Variants in MINDY4 observed in about 807,000 individuals in gnomAD.
The protein encoded by MINDY4 is MINDY lysine 48 deubiquitinase 4.
A neutral mutation model predicts 87.0 loss-of-function variants in MINDY4; 68 were observed. The observed-to-expected ratio is 0.78, with a 90% CI of 0.64 to 0.96. The LOEUF is 0.96. Among genes scored for constraint, MINDY4 ranks in the 40% least tolerant of loss-of-function variants. The pLI is 0.00. For missense variants in MINDY4, 919 were observed against 928.2 expected (o/e 0.99, Z 0.13); for synonymous variants, 379 against 363.2 (o/e 1.04, Z -0.50).
In MINDY4 at chr7:30,882,961, T is replaced by C. The variant is rs779821699; in HGVS notation, c.2193T>C (p.Leu731=). The change falls in exon 17 of 18, where the codon CTT becomes CTC. Residue 731 remains leucine, a synonymous_variant. Transcript: ENST00000265299. ...TCTCTGAGGACACAGACAACGACCT[T>C]GTCCCACCCCTCGAGCTCTGCATCA... ...QTISEDTDND[L]VPPLELCIRT... The C allele has an allele frequency of 3.5e-5, 56 of 1,613,886 alleles. No homozygotes were observed. The Middle Eastern group carries it at 6.6e-4, about 19-fold the overall frequency.
At chr7:30,841,403 A>ATATC (rs1204855109) in intron 9 of MINDY4, among the ~76,000 whole-genome samples, 1 of 152,252 alleles carries the variant, frequency 6.6e-6, no homozygotes, top group Non-Finnish European at 1.5e-5. Flanking sequence ...GGAGAATTAG[A>ATATC]TGAGTTCTGT....
chr7:30,775,088 T>G (rs1786768277), intron 1 of MINDY4, among the ~76,000 whole-genome samples: 1 of 152,178 alleles, frequency 6.6e-6, no homozygotes, highest in Non-Finnish European at 1.5e-5. Context: ...ATGGGGATTT[T>G]TCCTCCATAC....
Position 30,875,590 on chromosome 7 carries a change from C to A in MINDY4, c.1905C>A (p.Leu635=), listed in dbSNP as rs748499358. The A allele has an allele frequency of 2.5e-6, 4 of 1,614,222 alleles. No individual in the cohort carries two copies. In the Admixed American group the frequency reaches 6.7e-5, roughly 27 times the overall value. ...LDSGDGNITL[L]RGIAARSDIG... is the part of the protein sequence containing the mutation. ...CTGGGGATGGGAACATCACACTTCT[C>A]AGAGGCATTGCTGCACGCAGTGATA... is the stretch of plus-strand genomic sequence containing the variant. Residue 635 remains leucine, a synonymous_variant, in exon 15 of 18, where the codon CTC becomes CTA. Transcript: ENST00000265299.
chr7:30,862,666 G>C (rs1187523940), intron 13 of MINDY4, among the ~76,000 whole-genome samples: 2 of 152,186 alleles, frequency 1.3e-5, no homozygotes, highest in African/African-American at 4.8e-5. Context: ...CCCACCTCAG[G>C]CTCCATTAGG....
At chr7:30,813,768 T>C (rs538474325) in intron 5 of MINDY4, among the ~76,000 whole-genome samples, 1 of 152,362 alleles carries the variant, frequency 6.6e-6, no homozygotes, top group African/African-American at 2.4e-5. Context: ...ATGAGTGGTG[T>C]AATGCTCAAA....
At chr7:30,841,466 C>T (rs979803795) in intron 9 of MINDY4, among the ~76,000 whole-genome samples, 3 of 152,162 alleles carry the variant, frequency 2.0e-5, no homozygotes, top group Non-Finnish European at 4.4e-5. Flanking sequence ...ACCCCAATCC[C>T]ATACCATCGT....
At chr7:30,880,302 A>AACCCCCCC (rs1790421346) in intron 15 of MINDY4, among the ~76,000 whole-genome samples, 1 of 72,024 alleles carries the variant, frequency 1.4e-5, no homozygotes, top group Non-Finnish European at 3.4e-5. Context: ...CCTCCCCCGC[A>AACCCCCCC]CCCCCCCCCA....
At chr7:30,780,294 G>A (rs1584228974) in intron 2 of MINDY4, 3 of 152,316 alleles carry the variant, frequency 2.0e-5, no homozygotes, top group South Asian at 2.1e-4. Context: ...TTTGCGCAGA[G>A]AGTGAGACAA....
chr7:30,852,304 C>T (rs761854816), intron 11 of MINDY4, 25 bp downstream of exon 11: 7 of 1,613,936 alleles, frequency 4.3e-6, no homozygotes, highest in East Asian at 2.2e-5. Context: ...AAAATTATCA[C>T]GCAAACTTTG....
intron 4 of MINDY4, among the ~76,000 whole-genome samples, chr7:30,788,751 C>T (rs1787231316): frequency 6.6e-6 from 1 of 152,154 alleles, no homozygotes; most frequent in Admixed American, 6.5e-5. Flanking sequence ...CAAGTTCACT[C>T]GCAGCCTAGA....
chr7:30,892,229 C>A lies in MINDY4; in HGVS notation c.*224C>A. ...TCCCCTCCCAGCTGAGCTGTGACTG[C>A]TGAGTACTGGAAGGAGGTTGCCAGG... On this transcript the variant is annotated 3_prime_UTR_variant, in exon 18 of 18. Coordinates refer to ENST00000265299, the MANE Select transcript of MINDY4 (RefSeq NM_032222.3). 1.8e-6 allele frequency: 1 copy of A among 561,172 alleles called. No individual in the cohort carries two copies. The highest frequency in any genetic ancestry group is 3.2e-5 in the Admixed American group (1 of 31,602). The allele number at this position is 561,172 out of a possible 1,614,324, so 34.8% of individuals were successfully genotyped here.
chr7:30,776,245 G>A (rs1285064690), intron 1 of MINDY4, among the ~76,000 whole-genome samples: 2 of 152,088 alleles, frequency 1.3e-5, no homozygotes, highest in African/African-American at 2.4e-5. Flanking sequence ...TGAGTCTCTG[G>A]GTGACTTCTG....
chr7:30,777,821 A>G (rs755574717), intron 1 of MINDY4, among the ~76,000 whole-genome samples: 1 of 152,232 alleles, frequency 6.6e-6, no homozygotes, highest in Non-Finnish European at 1.5e-5. Context: ...GGCACTTGCG[A>G]ACAGGACCCT....
chr7:30,829,714 TCTGTGCATGG>T, intron 6 of MINDY4, among the ~76,000 whole-genome samples: 1 of 152,208 alleles, frequency 6.6e-6, no homozygotes, highest in Non-Finnish European at 1.5e-5. Flanking sequence ...GGGGTAGATG[TCTGTGCATGG>T]CTGTGCAGAG....
intron 4 of MINDY4, chr7:30,786,611 T>G (rs1787163159): frequency 7.3e-6 from 1 of 137,166 alleles, no homozygotes; most frequent in Non-Finnish European, 1.5e-5. Flanking sequence ...TGGGCAAGAC[T>G]GAGACCCTGT....
chr7:30,887,011 A>T (rs1459325497), intron 17 of MINDY4, among the ~76,000 whole-genome samples: 1 of 152,224 alleles, frequency 6.6e-6, no homozygotes, highest in Non-Finnish European at 1.5e-5. Context: ...AGAACTCATA[A>T]CCGGAGCCTG....
intron 13 of MINDY4, among the ~76,000 whole-genome samples, chr7:30,869,995 A>C (rs1790053156): frequency 6.6e-6 from 1 of 152,110 alleles, no homozygotes; most frequent in Non-Finnish European, 1.5e-5. Flanking sequence ...AGGTTTGTAG[A>C]TTTGCCAAAG....
chr7:30,851,859 T>C (rs1050053567), intron 10 of MINDY4, among the ~76,000 whole-genome samples: 10 of 152,192 alleles, frequency 6.6e-5, no homozygotes, highest in Non-Finnish European at 1.5e-4. Flanking sequence ...CCTCCATCAG[T>C]GAAAACAAAG....
chr7:30,849,054 G>A (rs1789317148), intron 9 of MINDY4, among the ~76,000 whole-genome samples: 1 of 152,230 alleles, frequency 6.6e-6, no homozygotes, highest in Non-Finnish European at 1.5e-5. Context: ...GGGCCACTGT[G>A]TTCTGTCACC....
Sources: allele counts gnomAD v4.1 joint callset (sites outside exome capture counted in the v4.1 genomes callset), GRCh38; gene constraint gnomAD v4.1.1; transcripts MANE v1.5; gene names NCBI Gene and HGNC (gene_info 2026-07-23, HGNC 2026-07-21).